The following NOL9 variants were observed in gnomAD, a reference collection of about 807,000 sequenced individuals.
The protein encoded by NOL9 is nucleolar protein 9.
A neutral mutation model predicts 67.9 loss-of-function variants in NOL9; 28 were observed. That is an observed-to-expected ratio of 0.41 (90% CI 0.31 to 0.57). The LOEUF is 0.57. Among genes scored for constraint, NOL9 ranks in the 20% least tolerant of loss-of-function variants. The pLI, the probability that NOL9 is intolerant of heterozygous loss-of-function variation, is 0.25. For missense variants in NOL9, 777 were observed against 897.0 expected (o/e 0.87, Z 1.71); for synonymous variants, 356 against 352.2 (o/e 1.01, Z -0.12).
chr1:6,533,874 G>A (rs1639089163), intron 6 of NOL9, among the ~76,000 whole-genome samples: 4 of 151,492 alleles, frequency 2.6e-5, no homozygotes, highest in Admixed American at 2.6e-4. Context: ...TTCACATATA[G>A]CCTCTAATTT....
rs1375375857 is a variant in NOL9, at chr1:6,523,128, C to G, written c.*2726G>C. On this transcript the variant is annotated 3_prime_UTR_variant, in exon 12 of 12. Coordinates refer to ENST00000377705, the MANE Select transcript of NOL9 (RefSeq NM_024654.5). Reference sequence around the variant, plus strand: ...AGTGAGCCAAGGTCGTGCCACTGCACCCCAGCCTGGGTGACAGAGCGAGAC... The same window carrying G: ...AGTGAGCCAAGGTCGTGCCACTGCAGCCCAGCCTGGGTGACAGAGCGAGAC... The G allele has an allele frequency of 6.6e-6, 1 of 150,794 alleles. No individual in the cohort carries two copies. The highest frequency in any genetic ancestry group is 2.4e-5 in the African/African-American group (1 of 40,938). The allele number at this position is 150,794 out of a possible 1,614,324, so 9.3% of individuals were successfully genotyped here. A position where few individuals can be genotyped will look rare whatever the true frequency, so the allele number is the denominator to read the frequency against.
At chr1:6,550,156 C>T (rs1199444368) in intron 2 of NOL9, among the ~76,000 whole-genome samples, 2 of 152,086 alleles carry the variant, frequency 1.3e-5, no homozygotes, top group Admixed American at 6.6e-5. Context: ...CTCGGCCTCC[C>T]GAGTAGCTGG....
intron 3 of NOL9, among the ~76,000 whole-genome samples, chr1:6,546,989 C>T (rs952780542): frequency 6.6e-6 from 1 of 152,182 alleles, no homozygotes; most frequent in Non-Finnish European, 1.5e-5. Flanking sequence ...CTTTCGCCAC[C>T]GCTGTTCAGT....
chr1:6,529,461 G>A (rs1323744220), intron 9 of NOL9, among the ~76,000 whole-genome samples: 3 of 152,080 alleles, frequency 2.0e-5, no homozygotes, highest in East Asian at 3.9e-4. Flanking sequence ...GGTGGCAGGC[G>A]CCTGTAATCC....
At chr1:6,528,695 T>A (rs1638947672) in intron 10 of NOL9, among the ~76,000 whole-genome samples, 1 of 152,188 alleles carries the variant, frequency 6.6e-6, no homozygotes, top group Non-Finnish European at 1.5e-5. Flanking sequence ...AGGCAACGCC[T>A]AAAATGGATT....
intron 3 of NOL9, among the ~76,000 whole-genome samples, chr1:6,547,139 T>C (rs10746502): frequency 0.8 from 121,925 of 152,194 alleles, 49,811 homozygotes; most frequent in Non-Finnish European, 0.87. Context: ...TGGAACCATC[T>C]TGTTTCTATC....
Position 6,533,429 on chromosome 1 carries a change from G to C in NOL9, c.1088C>G (p.Thr363Ser), listed in dbSNP as rs199500432. The change falls in exon 7 of 12, where the codon ACT (threonine) becomes AGT (serine). Residue 363 changes from threonine (T) to serine (S), a missense_variant. By Grantham distance (58) the Thr-to-Ser change is moderately conservative. This residue lies in a region of NOL9 where 413 missense variants were observed against 552.6 expected (regional missense o/e 0.75). Transcript: ENST00000377705. ...ITEPVLGPPF[T>S]HLRTPQKMVY... Reference sequence around the variant, plus strand: ...CATCTTCTGTGGAGTCCTCAGGTGAGTGAAAGGTGGTCCTAAAAAGATAAA... The same window carrying C: ...CATCTTCTGTGGAGTCCTCAGGTGACTGAAAGGTGGTCCTAAAAAGATAAA... The C allele has an allele frequency of 6.3e-7, 1 of 1,589,742 alleles. No homozygotes were observed. Among genetic ancestry groups the C allele is most frequent in the African/African-American group, 1.3e-5 (1 of 74,136 alleles).
intron 10 of NOL9, among the ~76,000 whole-genome samples, chr1:6,528,245 T>G (rs1419860248): frequency 1.3e-5 from 2 of 152,308 alleles, no homozygotes; most frequent in Admixed American, 1.3e-4. Context: ...ACCCTGGATC[T>G]GAGTGACGGG....
chr1:6,549,836 G>A (rs11579888), intron 2 of NOL9, 138 bp from the exon 3 acceptor site: 824,879 of 965,724 alleles, frequency 0.85, 354,516 homozygotes, highest in Admixed American at 0.89. Flanking sequence ...TCAGGGGGCC[G>A]TACTACATAC....
intron 6 of NOL9, among the ~76,000 whole-genome samples, chr1:6,538,661 A>G (rs1330028805): frequency 6.6e-6 from 1 of 151,850 alleles, no homozygotes; most frequent in Non-Finnish European, 1.5e-5. Flanking sequence ...ACTCCGTCTC[A>G]AAAAGGAAAA....
chr1:6,548,134 A>AGTTCTTT (rs1433452000), intron 3 of NOL9: 2 of 147,304 alleles, frequency 1.4e-5, no homozygotes, highest in Non-Finnish European at 2.8e-5. Flanking sequence ...TGAGACTTAA[A>AGTTCTTT]GTTCTTTTTT....
chr1:6,553,677 T>G (rs1209854802), intron 1 of NOL9, among the ~76,000 whole-genome samples: 2 of 151,862 alleles, frequency 1.3e-5, no homozygotes, highest in Non-Finnish European at 2.9e-5. Flanking sequence ...CCGTTTCTAC[T>G]AAAAATACAA....
At chr1:6,536,803 C>T (rs1477549241) in intron 6 of NOL9, among the ~76,000 whole-genome samples, 1 of 152,080 alleles carries the variant, frequency 6.6e-6, no homozygotes, top group Admixed American at 6.6e-5. Context: ...TGTGACAGAG[C>T]AAGACCCGGT....
chr1:6,545,179 C>T lies in NOL9; in HGVS notation c.746G>A (p.Ser249Asn). The T allele has an allele frequency of 6.2e-7, 1 of 1,605,602 alleles. No individual in the cohort carries two copies. The highest frequency in any genetic ancestry group is 8.5e-7 in the Non-Finnish European group (1 of 1,177,852). Residue 249 changes from serine (S) to asparagine (N), a missense_variant and splice_region_variant, in exon 4 of 12, where the codon AGT (serine) becomes AAT (asparagine). Physicochemically the swap from Ser to Asn is conservative, Grantham distance 46. Around this residue, in one of 2 missense-constraint regions of NOL9, gnomAD observed 364 missense variants for 344.4 expected, o/e 1.06. Transcript: ENST00000377705. Reference sequence around the variant, plus strand: ...TTCAGGTTTAATCTGGGGAGTTGGACTCTGAAATCAACAATTTAAACTTTA... The same window carrying T: ...TTCAGGTTTAATCTGGGGAGTTGGATTCTGAAATCAACAATTTAAACTTTA... ...PGSSYIFVQE[S>N]PTPQIKPEYL...
At chr1:6,532,247 A>C (rs1180015445) in intron 8 of NOL9, 168 bp from the exon 9 acceptor site, 1 of 720,660 alleles carries the variant, frequency 1.4e-6, no homozygotes, top group Non-Finnish European at 2.3e-6. Context: ...CTCTCCTTTA[A>C]GTCAAAGTTG....
rs1023136892 is a variant in NOL9, at chr1:6,525,768, A to G, written c.*86T>C. 13 of 1,431,692 alleles carry G rather than the reference A, an allele frequency of 9.1e-6. No individual in the cohort carries two copies. In the African/African-American group the frequency reaches 1.4e-4, roughly 16 times the overall value. The allele number at this position is 1,431,692 out of a possible 1,614,324, so 88.7% of individuals were successfully genotyped here. A position where few individuals can be genotyped will look rare whatever the true frequency, so the allele number is the denominator to read the frequency against. ...GCTAATAAGGGCACCATTCATGGCC[A>G]TGAAACTCCATCATGTCTCTTGTGG... On this transcript the variant is annotated 3_prime_UTR_variant, in exon 12 of 12. Coordinates refer to ENST00000377705, the MANE Select transcript of NOL9 (RefSeq NM_024654.5).
intron 5 of NOL9, among the ~76,000 whole-genome samples, chr1:6,543,630 G>A (rs533875922): frequency 2.6e-5 from 4 of 152,226 alleles, no homozygotes; most frequent in South Asian, 2.1e-4. Context: ...CTCCCAAAGT[G>A]CTGCGACTGC....
At chr1:6,547,375 C>A (rs189015965) in intron 3 of NOL9, among the ~76,000 whole-genome samples, 1,972 of 152,204 alleles carry the variant, frequency 0.013, 30 homozygotes, top group Non-Finnish European at 0.019. Flanking sequence ...CTACATGCAC[C>A]CCAGTCGTTA....
chr1:6,536,084 C>T (rs938511716), intron 6 of NOL9, among the ~76,000 whole-genome samples: 8 of 152,134 alleles, frequency 5.3e-5, no homozygotes, highest in African/African-American at 1.4e-4. Flanking sequence ...CGGTAGCTCA[C>T]GCCTGTAATC....
Sources: gnomAD v4.1 joint callset for allele counts (sites outside exome capture counted in the v4.1 genomes callset) on GRCh38, gnomAD v4.1.1 for gene constraint, gnomAD v4.1.1 regional missense constraint, MANE v1.5 for transcripts, NCBI Gene and HGNC (gene_info 2026-07-23, HGNC 2026-07-21) for gene names.